The following GOSR2 variants were observed in gnomAD, a reference collection of about 807,000 sequenced individuals.
GOSR2 encodes the protein 27 kDa Golgi SNARE protein.
A neutral mutation model predicts 27.9 loss-of-function variants in GOSR2; 20 were observed. The ratio of observed to expected loss-of-function variants is 0.72; its 90% confidence interval spans 0.50 to 1.04. The LOEUF is 1.04. Among genes scored for constraint, GOSR2 ranks in the 50% least tolerant of loss-of-function variants. GOSR2 has a pLI of 0.00. For synonymous variants in GOSR2, 91 were observed against 98.8 expected (o/e 0.92, Z 0.47); for missense variants, 261 against 270.5 (o/e 0.97, Z 0.25).
At chr17:46,953,431 C>T (rs367633956) in intron 6 of GOSR2, among the ~76,000 whole-genome samples, 1 of 152,086 alleles carries the variant, frequency 6.6e-6, no homozygotes, top group Non-Finnish European at 1.5e-5. Context: ...CCACATTTTC[C>T]TAATCCAGTC....
chr17:46,955,871 ACT>A (rs1344412298), intron 6 of GOSR2, among the ~76,000 whole-genome samples: 1 of 151,756 alleles, frequency 6.6e-6, no homozygotes, highest in Non-Finnish European at 1.5e-5. Context: ...CTACCAACTG[ACT>A]CTCCTGAACT....
chr17:46,931,664 C>T, intron 3 of GOSR2: 1 of 326,114 alleles, frequency 3.1e-6, no homozygotes, highest in South Asian at 3.5e-5. Context: ...ACCTCCACCC[C>T]CAGCGCCTGT....
intron 6 of GOSR2, among the ~76,000 whole-genome samples, chr17:46,962,643 A>G (rs764402783): frequency 1.5e-4 from 23 of 152,218 alleles, no homozygotes; most frequent in Non-Finnish European, 2.6e-4. Context: ...AGGAGAGGAA[A>G]GAGGTCCAGC....
In GOSR2 at chr17:46,940,826, G is replaced by C; in HGVS notation, c.*2066G>C. The C allele has an allele frequency of 6.8e-7, 1 of 1,463,630 alleles. No homozygotes were observed. The highest frequency in any genetic ancestry group is 1.4e-5 in the African/African-American group (1 of 71,240). 90.7% of individuals were successfully genotyped at this position (1,463,630 alleles called of 1,614,324 possible). A position where few individuals can be genotyped will look rare whatever the true frequency, so the allele number is the denominator to read the frequency against. On this transcript the variant is annotated 3_prime_UTR_variant, in exon 6 of 6. Transcript: ENST00000640051. ...GGGTCTTTACCACCTGCGGCTGGTG[G>C]ACAGCAGCCAGTGTGTCTGGACACC...
intron 5 of GOSR2, chr17:46,936,784 A>T (rs1279642555): frequency 1.0e-6 from 1 of 984,290 alleles, no homozygotes; most frequent in East Asian, 1.1e-4. Flanking sequence ...TCTCGGGGAA[A>T]AAAAAATACA....
At chr17:46,955,454 C>T (rs1381787606) in intron 6 of GOSR2, 1 of 152,156 alleles carries the variant, frequency 6.6e-6, no homozygotes, top group African/African-American at 2.4e-5. Context: ...CAATGTTCAT[C>T]AAGGATATTG....
downstream of GOSR2, among the ~76,000 whole-genome samples, chr17:46,971,385 A>G (rs2091391402): frequency 6.6e-6 from 1 of 151,696 alleles, no homozygotes; most frequent in South Asian, 2.1e-4. Flanking sequence ...ATAAGGACAC[A>G]CTCCATGGCT....
At chr17:46,960,924 CTAAG>C (rs1392278308) in intron 6 of GOSR2, among the ~76,000 whole-genome samples, 15 of 152,122 alleles carry the variant, frequency 9.9e-5, no homozygotes, top group African/African-American at 3.6e-4. Context: ...TGACACAACT[CTAAG>C]TATTTGTCAA....
rs182057233 is a variant in GOSR2, at chr17:46,951,436, G to A, written c.583+12732G>A. Among the ~76,000 whole-genome samples, 88 of 152,294 alleles carry A rather than the reference G, an allele frequency of 5.8e-4. 1 individual carries two copies. The highest frequency in any genetic ancestry group is 2.0e-3 in the African/African-American group (84 of 41,544). On this transcript the variant is annotated intron_variant, in intron 6 of 6. Transcript: ENST00000573224. Reference sequence around the variant, plus strand: ...CCTGGGCTCCTCGCCCAGCTGCCGCGCCAGCCCACGTCTCCAGATCACAGG... The same window carrying A: ...CCTGGGCTCCTCGCCCAGCTGCCGCACCAGCCCACGTCTCCAGATCACAGG...
At chr17:46,935,748 C>G (rs1267890535) in intron 5 of GOSR2, 7 of 987,520 alleles carry the variant, frequency 7.1e-6, no homozygotes, top group Non-Finnish European at 8.4e-6. Flanking sequence ...TCCTAGAAGC[C>G]CTGACCAGTT....
At chr17:46,943,166 C>G (rs116445566), downstream of GOSR2, among the ~76,000 whole-genome samples, 280 of 152,290 alleles carry the variant, frequency 1.8e-3, no homozygotes, top group African/African-American at 6.3e-3. Context: ...CATGCACTTC[C>G]CCTGGCCGCA....
chr17:46,938,993 G>A lies in GOSR2; in HGVS notation c.*233G>A, dbSNP rs1012679747. ...GTGCTTAGGAAATGAAAGAAGTCCCGGGTCTGTCTCTCTCACTCTCGCTCT... is the reference window on the plus strand; with the variant it reads ...GTGCTTAGGAAATGAAAGAAGTCCCAGGTCTGTCTCTCTCACTCTCGCTCT... On this transcript the variant is annotated 3_prime_UTR_variant, in exon 6 of 6. Coordinates refer to ENST00000640051, the MANE Select transcript of GOSR2 (RefSeq NM_004287.5). The A allele has an allele frequency of 2.2e-5, 31 of 1,379,574 alleles. No individual in the cohort carries two copies. The highest frequency in any genetic ancestry group is 1.7e-4 in the African/African-American group (12 of 68,936). The allele number at this position is 1,379,574 out of a possible 1,614,324, so 85.5% of individuals were successfully genotyped here. A position where few individuals can be genotyped will look rare whatever the true frequency, so the allele number is the denominator to read the frequency against.
intron 1 of GOSR2, 95 bp downstream of exon 1, chr17:46,923,316 G>C: frequency 6.5e-7 from 1 of 1,542,530 alleles, no homozygotes; most frequent in Non-Finnish European, 8.7e-7. Context: ...AGCCAGGGTA[G>C]AGGCCGAGTT....
At chr17:46,953,565 T>G (rs1438332347) in intron 6 of GOSR2, among the ~76,000 whole-genome samples, 1 of 152,170 alleles carries the variant, frequency 6.6e-6, no homozygotes, top group African/African-American at 2.4e-5. Flanking sequence ...ATATACCCAG[T>G]AATGGGATGG....
chr17:46,954,918 G>T (rs2090608852), intron 6 of GOSR2, among the ~76,000 whole-genome samples: 2 of 152,134 alleles, frequency 1.3e-5, no homozygotes, highest in Non-Finnish European at 2.9e-5. Context: ...GAGATTTTGG[G>T]CTGAGACAGT....
rs768526397 is a variant in GOSR2, at chr17:46,923,171, C to A, written c.-22C>A. On this transcript the variant is annotated 5_prime_UTR_variant, in exon 1 of 6. Coordinates refer to ENST00000640051, the MANE Select transcript of GOSR2 (RefSeq NM_004287.5). ...GTTCCGAGGAAGCCAGAGCCGGAGC[C>A]GTGGCCTGCGGGGCCGGCGACATGG... The A allele has an allele frequency of 8.7e-6, 13 of 1,490,370 alleles. No homozygotes were observed. In the African/African-American group the frequency reaches 1.5e-4, roughly 18 times the overall value. The allele number at this position is 1,490,370 out of a possible 1,614,324, so 92.3% of individuals were successfully genotyped here. A position where few individuals can be genotyped will look rare whatever the true frequency, so the allele number is the denominator to read the frequency against.
chr17:46,965,195 G>A (rs1381712145), intron 6 of GOSR2, among the ~76,000 whole-genome samples: 1 of 152,242 alleles, frequency 6.6e-6, no homozygotes, highest in African/African-American at 2.4e-5. Context: ...GTGGAAGGAT[G>A]TCTCTGGGGG....
At chr17:46,948,371 C>T (rs559567260) in intron 6 of GOSR2, among the ~76,000 whole-genome samples, 7 of 152,358 alleles carry the variant, frequency 4.6e-5, no homozygotes, top group Admixed American at 1.3e-4. Flanking sequence ...CTGATCCCTT[C>T]ATTCAGCTGG....
intron 2 of GOSR2, chr17:46,930,266 A>G (rs11655668): frequency 0.63 from 95,766 of 151,794 alleles, 30,459 homozygotes; most frequent in Middle Eastern, 0.68. Context: ...CACTGTGGGC[A>G]CAAAGGGCTA....
Sources: allele counts gnomAD v4.1 joint callset (sites outside exome capture counted in the v4.1 genomes callset), GRCh38; gene constraint gnomAD v4.1.1; transcripts MANE v1.5; gene names NCBI Gene and HGNC (gene_info 2026-07-23, HGNC 2026-07-21).